The following TMEM50B variants were observed in gnomAD, a reference collection of about 807,000 sequenced individuals.
TMEM50B encodes the protein HCV p7-trans-regulated protein 3.
Under a neutral mutation model 23.4 loss-of-function variants are expected in TMEM50B, and 14 were observed. The observed-to-expected ratio is 0.60, with a 90% CI of 0.39 to 0.93. The LOEUF is 0.93. Ranked by LOEUF, TMEM50B falls within the 40% of genes least tolerant of loss-of-function variation. The pLI is 0.00. For missense variants in TMEM50B, 159 were observed against 193.0 expected, an observed-to-expected ratio of 0.82 and a Z score of 1.04; for synonymous variants, 64 against 62.3, an observed-to-expected ratio of 1.03 and a Z score of -0.13.
At chr21:33,460,871 G>A (rs1005644523) in intron 4 of TMEM50B, among the ~76,000 whole-genome samples, 2 of 152,176 alleles carry the variant, frequency 1.3e-5, no homozygotes, top group Non-Finnish European at 2.9e-5. Flanking sequence ...AATGAAGAAG[G>A]ACTAATATGT....
chr21:33,440,859 C>T (rs563622568), intron 7 of TMEM50B, among the ~76,000 whole-genome samples: 7 of 151,676 alleles, frequency 4.6e-5, no homozygotes, highest in East Asian at 3.9e-4. Flanking sequence ...TCCACCTGGG[C>T]GACAGAGCAA....
chr21:33,476,543 C>A (rs938587632), intron 1 of TMEM50B, among the ~76,000 whole-genome samples: 2 of 151,804 alleles, frequency 1.3e-5, no homozygotes, highest in African/African-American at 4.8e-5. Flanking sequence ...CAGCGGATCA[C>A]GAGGTCAGGA....
intron 8 of TMEM50B, among the ~76,000 whole-genome samples, chr21:33,434,241 G>C (rs888854152): frequency 7.2e-5 from 11 of 152,170 alleles, no homozygotes; most frequent in Admixed American, 2.0e-4. Context: ...AGCATTTGCA[G>C]CCGGGCGCAG....
At chr21:33,470,320 A>C (rs1375872662) in intron 1 of TMEM50B, among the ~76,000 whole-genome samples, 1 of 150,876 alleles carries the variant, frequency 6.6e-6, no homozygotes, top group Non-Finnish European at 1.5e-5. Context: ...AAAAATACAA[A>C]AATCTGAGGC....
chr21:33,465,224 TA>T, intron 4 of TMEM50B, 117 bp downstream of exon 4: 1 of 634,018 alleles, frequency 1.6e-6, no homozygotes, highest in Non-Finnish European at 2.6e-6. Flanking sequence ...TTAAAGCAAA[TA>T]AAAAATATTC....
intron 5 of TMEM50B, 99 bp downstream of exon 5, chr21:33,460,314 G>A (rs1434809409): frequency 2.6e-6 from 2 of 772,038 alleles, no homozygotes; most frequent in Non-Finnish European, 4.5e-6. Flanking sequence ...TTCAATCTAA[G>A]TGAACAATTA....
chr21:33,463,489 A>C (rs1362052082), intron 4 of TMEM50B, among the ~76,000 whole-genome samples: 1 of 152,182 alleles, frequency 6.6e-6, no homozygotes, highest in African/African-American at 2.4e-5. Flanking sequence ...AAGAGTATTA[A>C]CTATAAAAAG....
At chr21:33,446,679 C>CAAAAAAAAAAA (rs1409384682), downstream of TMEM50B, among the ~76,000 whole-genome samples, 2 of 102,360 alleles carry the variant, frequency 2.0e-5, no homozygotes, top group African/African-American at 3.7e-5. Context: ...AAAAAAAAAA[C>CAAAAAAAAAAA]CTCTAAGAAA....
At chr21:33,451,659 A>G (rs1435140146) in intron 6 of TMEM50B, among the ~76,000 whole-genome samples, 2 of 152,090 alleles carry the variant, frequency 1.3e-5, no homozygotes, top group African/African-American at 4.8e-5. Flanking sequence ...TGGGCATACT[A>G]AATGTTTTGG....
intron 5 of TMEM50B, among the ~76,000 whole-genome samples, chr21:33,457,576 G>T (rs1023844150): frequency 2.0e-5 from 3 of 150,978 alleles, no homozygotes; most frequent in Non-Finnish European, 2.9e-5. Flanking sequence ...GCTTGAACCC[G>T]GGAGGCAGAG....
At chr21:33,444,991 T>C (rs1299052914), downstream of TMEM50B, among the ~76,000 whole-genome samples, 3 of 149,038 alleles carry the variant, frequency 2.0e-5, no homozygotes, top group Non-Finnish European at 3.0e-5. Flanking sequence ...TTAGCCAGGA[T>C]GTAGTGGCAT....
chr21:33,438,922 G>A (rs1371458421), intron 8 of TMEM50B, among the ~76,000 whole-genome samples: 1 of 151,388 alleles, frequency 6.6e-6, no homozygotes, highest in Non-Finnish European at 1.5e-5. Flanking sequence ...TAGAGATGGG[G>A]TTTCACCATG....
At chr21:33,474,913 A>T (rs1028776683) in intron 1 of TMEM50B, among the ~76,000 whole-genome samples, 2 of 149,784 alleles carry the variant, frequency 1.3e-5, no homozygotes, top group Non-Finnish European at 3.0e-5. Flanking sequence ...AAAAAAATGC[A>T]AACATTTTGT....
At chr21:33,458,882 C>A (rs1000280629) in intron 5 of TMEM50B, among the ~76,000 whole-genome samples, 1 of 152,130 alleles carries the variant, frequency 6.6e-6, no homozygotes, top group African/African-American at 2.4e-5. Flanking sequence ...TTATTTAAGC[C>A]AACCACTGTC....
chr21:33,446,968 C>G (rs2084065904), downstream of TMEM50B: 1 of 151,896 alleles, frequency 6.6e-6, no homozygotes, highest in South Asian at 2.1e-4. Context: ...TATGGTGAAA[C>G]CATGTCTCTA....
At chr21:33,450,950 A>AC in intron 6 of TMEM50B, 87 bp from the exon 7 acceptor site, 1 of 1,029,990 alleles carries the variant, frequency 9.7e-7, no homozygotes, top group Admixed American at 2.2e-5. Context: ...TTTGACAGGT[A>AC]CTTCACTGAT....
chr21:33,443,073 T>C (rs868631879), intron 7 of TMEM50B, among the ~76,000 whole-genome samples: 2 of 152,196 alleles, frequency 1.3e-5, no homozygotes, highest in Non-Finnish European at 1.5e-5. Flanking sequence ...AATAAAAATA[T>C]CTGATCTATT....
Position 33,449,154 on chromosome 21 carries a change from A to G in TMEM50B, c.*1664T>C, listed in dbSNP as rs1464422442. On this transcript the variant is annotated 3_prime_UTR_variant, in exon 7 of 7. Coordinates refer to ENST00000542230, the MANE Select transcript of TMEM50B (RefSeq NM_006134.7). ...ACAATATTAAACTGTATGAGAAGTA[A>G]TATTTATTGCAACAGGTTATGAGGT... 4 of 152,226 alleles carry G rather than the reference A, an allele frequency of 2.6e-5. No individual in the cohort carries two copies. Among genetic ancestry groups the G allele is most frequent in the Non-Finnish European group, 5.9e-5 (4 of 68,048 alleles). 9.4% of individuals were successfully genotyped at this position (152,226 alleles called of 1,614,324 possible).
chr21:33,433,652 T>C (rs1456701914), intron 8 of TMEM50B, among the ~76,000 whole-genome samples: 1 of 152,098 alleles, frequency 6.6e-6, no homozygotes, highest in Non-Finnish European at 1.5e-5. Context: ...GAGTTTCAGT[T>C]CTGGGGCTGT....
Sources: allele counts gnomAD v4.1 joint callset (sites outside exome capture counted in the v4.1 genomes callset), GRCh38; gene constraint gnomAD v4.1.1; transcripts MANE v1.5; gene names NCBI Gene and HGNC (gene_info 2026-07-23, HGNC 2026-07-21).